TMEM131L: variants seen among roughly 807,000 people sequenced by gnomAD.
The protein encoded by TMEM131L is transmembrane protein 131-like.
A neutral mutation model predicts 192.2 loss-of-function variants in TMEM131L; 54 were observed. That is an observed-to-expected ratio of 0.28 (90% CI 0.23 to 0.35). TMEM131L has a LOEUF of 0.35. Among genes scored for constraint, TMEM131L ranks in the 10% least tolerant of loss-of-function variants. The pLI is 1.00. For synonymous variants in TMEM131L, 701 were observed against 704.9 expected (o/e 0.99, Z 0.09); for missense variants, 1,888 against 1,972.9 (o/e 0.96, Z 0.82).
At chr4:153,495,493 G>C (rs1249201455) in intron 3 of TMEM131L, among the ~76,000 whole-genome samples, 1 of 152,130 alleles carries the variant, frequency 6.6e-6, no homozygotes, top group African/African-American at 2.4e-5. Flanking sequence ...GGGCTTCCAG[G>C]TCATAGGTGG....
chr4:153,596,327 G>A lies in TMEM131L; in HGVS notation c.2065G>A (p.Val689Ile), dbSNP rs756363793. The stretch of plus-strand genomic sequence containing the variant: ...TCTGCAGCCTTTGGAAATGAAAAGG[G>A]TTGGCGTAGTTTTCACACCTGCTGA... Reference protein sequence around the residue: ...LHLQPLEMKRVGVVFTPADYG... With the variant: ...LHLQPLEMKRIGVVFTPADYG... The change falls in exon 20 of 35, where the codon GTT becomes ATT. Residue 689 changes from valine (V) to isoleucine (I), a missense_variant. By Grantham distance (29) the Val-to-Ile change is conservative (BLOSUM62 3). Coordinates refer to ENST00000409959, the MANE Select transcript of TMEM131L (RefSeq NM_001131007.2). The A allele has an allele frequency of 5.0e-6, 8 of 1,613,998 alleles. No individual in the cohort carries two copies. Among genetic ancestry groups the A allele is most frequent in the East Asian group, 4.5e-5 (2 of 44,874 alleles).
chr4:153,543,646 C>T (rs1200750506), intron 3 of TMEM131L, among the ~76,000 whole-genome samples: 1 of 152,180 alleles, frequency 6.6e-6, no homozygotes, highest in Non-Finnish European at 1.5e-5. Context: ...AGTCCAGTTG[C>T]ATAATGGAAA....
chr4:153,513,371 T>G (rs1238666657), intron 3 of TMEM131L, among the ~76,000 whole-genome samples: 2 of 152,210 alleles, frequency 1.3e-5, no homozygotes, highest in Admixed American at 6.5e-5. Flanking sequence ...TGGACAGTTT[T>G]GAAGAGATAG....
At chr4:153,563,030 T>G (rs1728945679) in intron 7 of TMEM131L, among the ~76,000 whole-genome samples, 1 of 152,240 alleles carries the variant, frequency 6.6e-6, no homozygotes, top group Non-Finnish European at 1.5e-5. Flanking sequence ...CATATGGGTC[T>G]AAATATGGAT....
chr4:153,528,049 T>C (rs769562015), intron 3 of TMEM131L, among the ~76,000 whole-genome samples: 13 of 152,240 alleles, frequency 8.5e-5, no homozygotes, highest in Non-Finnish European at 1.8e-4. Context: ...TTCCTTGTCC[T>C]GCGGAAAGGC....
chr4:153,629,228 G>A (rs6837930), intron 31 of TMEM131L, among the ~76,000 whole-genome samples: 46,906 of 151,868 alleles, frequency 0.31, 7,534 homozygotes, highest in South Asian at 0.41. Flanking sequence ...CCAAAGCCTC[G>A]TGCCTCGTTT....
intron 3 of TMEM131L, among the ~76,000 whole-genome samples, chr4:153,527,269 T>G (rs964478326): frequency 1.2e-5 from 1 of 86,462 alleles, no homozygotes; most frequent in African/African-American, 4.0e-5. Flanking sequence ...AATCTTCAGT[T>G]TTTTTTCTTT....
At chr4:153,518,431 A>G (rs1580121118) in intron 3 of TMEM131L, among the ~76,000 whole-genome samples, 2 of 152,356 alleles carry the variant, frequency 1.3e-5, no homozygotes, top group African/African-American at 4.8e-5. Flanking sequence ...ATTGAGGCCT[A>G]TGAAAATAAG....
intron 19 of TMEM131L, among the ~76,000 whole-genome samples, 178 bp from the exon 20 acceptor site, chr4:153,596,079 GC>G (rs1195805230): frequency 2.0e-5 from 3 of 152,140 alleles, no homozygotes; most frequent in African/African-American, 7.2e-5. Flanking sequence ...CTTAGCTATG[GC>G]TCAGAAGCTG....
At chr4:153,584,061 ATATG>A (rs1730541472) in intron 11 of TMEM131L, among the ~76,000 whole-genome samples, 1 of 152,218 alleles carries the variant, frequency 6.6e-6, no homozygotes, top group African/African-American at 2.4e-5. Flanking sequence ...TATCCTCCAG[ATATG>A]TATGTATTCA....
At position 153,578,035 on chromosome 4, in the gene TMEM131L, A is replaced by G. The variant is rs533729669; in HGVS notation, c.661-2791A>G. 3.5e-4 allele frequency among the ~76,000 whole-genome samples: 53 copies of G among 152,304 alleles called. No individual in the cohort carries two copies. In the South Asian group the frequency reaches 9.8e-3, roughly 28 times the overall value. ...TAACTCAGTGTCTGATGGTTAAAGG[A>G]GCAACAGCTGGCAGAGGAACCAGAG... is the stretch of plus-strand genomic sequence containing the variant. On this transcript the variant is annotated intron_variant, in intron 7 of 34. Transcript: ENST00000409959.
chr4:153,551,220 A>G (rs1254786709), intron 4 of TMEM131L, among the ~76,000 whole-genome samples: 3 of 152,354 alleles, frequency 2.0e-5, no homozygotes, highest in Non-Finnish European at 4.4e-5. Flanking sequence ...TGTGAATGAA[A>G]TAACCATGGC....
At chr4:153,491,820 C>T (rs1442814863) in intron 3 of TMEM131L, among the ~76,000 whole-genome samples, 3 of 152,102 alleles carry the variant, frequency 2.0e-5, no homozygotes, top group Non-Finnish European at 4.4e-5. Flanking sequence ...CATCCTTCCA[C>T]CTCACCCTCC....
At position 153,621,753 on chromosome 4, in the gene TMEM131L, A is replaced by G. The variant is rs75089311; in HGVS notation, c.3763A>G (p.Asn1255Asp). The change falls in exon 28 of 35, where the codon AAT becomes GAT. Residue 1255 changes from asparagine to aspartate, a missense_variant. Asn to Asp is a conservative substitution (Grantham distance 23). Coordinates refer to ENST00000409959, the MANE Select transcript of TMEM131L (RefSeq NM_001131007.2). ...FERSELSSDI[N>D]VRSWCIQEST... is the part of the protein sequence containing the mutation. ...GAGGTCTGAGCTGAGCAGTGACATC[A>G]ATGTAAGAAGCTGGTGTATACAGGA... 5.7e-4 allele frequency: 917 copies of G among 1,614,136 alleles called. 6 individuals are homozygous for G. The African/African-American group carries it at 0.011, about 20-fold the overall frequency.
At chr4:153,472,565 G>A (rs146411026) in intron 2 of TMEM131L, among the ~76,000 whole-genome samples, 16 of 152,254 alleles carry the variant, frequency 1.1e-4, no homozygotes, top group Admixed American at 4.6e-4. Flanking sequence ...ACCTGCCCTT[G>A]TGATGCTTGC....
At chr4:153,625,893 G>A (rs1733809089) in intron 29 of TMEM131L, among the ~76,000 whole-genome samples, 2 of 151,780 alleles carry the variant, frequency 1.3e-5, no homozygotes, top group South Asian at 4.1e-4. Flanking sequence ...GGGCAACAGA[G>A]TGAGACTCTG....
At chr4:153,570,002 T>TTTTTATTTTA (rs112256136) in intron 7 of TMEM131L, among the ~76,000 whole-genome samples, 1 of 152,036 alleles carries the variant, frequency 6.6e-6, no homozygotes, top group African/African-American at 2.4e-5. Context: ...CAATTTCTTG[T>TTTTTATTTTA]TTTTATTTTA....
At chr4:153,502,019 A>G (rs1331819980) in intron 3 of TMEM131L, among the ~76,000 whole-genome samples, 1 of 146,214 alleles carries the variant, frequency 6.8e-6, no homozygotes, top group Non-Finnish European at 1.5e-5. Context: ...TGGCATGATC[A>G]CGGCTCACTG....
chr4:153,497,947 A>C (rs1185639981), intron 3 of TMEM131L, among the ~76,000 whole-genome samples: 1 of 150,882 alleles, frequency 6.6e-6, no homozygotes, highest in Non-Finnish European at 1.5e-5. Context: ...CACATCTCCT[A>C]GCTTCTACAG....
Sources: gnomAD v4.1 joint callset for allele counts (sites outside exome capture counted in the v4.1 genomes callset) on GRCh38, gnomAD v4.1.1 for gene constraint, MANE v1.5 for transcripts, NCBI Gene and HGNC (gene_info 2026-07-23, HGNC 2026-07-21) for gene names.